Variants in RER1 observed in about 807,000 individuals in gnomAD.
The protein encoded by RER1 is retention in endoplasmic reticulum sorting receptor 1, also known as protein RER1.
RER1 carries 6 observed loss-of-function variants against 28.3 expected under a neutral mutation model. That is an observed-to-expected ratio of 0.21 (90% CI 0.12 to 0.42). The LOEUF (loss-of-function observed/expected upper bound fraction) is 0.42, where lower values mean the gene tolerates loss of function less well. Ranked by LOEUF, RER1 falls within the 10% of genes least tolerant of loss-of-function variation. The pLI, the probability that RER1 is intolerant of heterozygous loss-of-function variation, is 1.00. For missense variants in RER1, 159 were observed against 252.9 expected (o/e 0.63, Z 2.52); for synonymous variants, 110 against 95.9 (o/e 1.15, Z -0.86).
At chr1:2,399,282 A>G (rs1261555047) in intron 3 of RER1, 133 bp from the exon 4 acceptor site, 3 of 691,712 alleles carry the variant, frequency 4.3e-6, no homozygotes, top group Admixed American at 4.2e-5. Context: ...TGTCCTTGCT[A>G]TGAGTAAGTT....
chr1:2,400,941 C>T lies in RER1; in HGVS notation c.365+6C>T, dbSNP rs758964465. 9.3e-6 allele frequency: 15 copies of T among 1,608,768 alleles called. No homozygotes were observed. Among genetic ancestry groups the T allele is most frequent in the African/African-American group, 8.0e-5 (6 of 74,790 alleles). ...CTCCCAGAGTTTAAATTTTGGTGAGCTAATTCTTCACGGTATTTGAAGAGA... is the reference window on the plus strand; with the variant it reads ...CTCCCAGAGTTTAAATTTTGGTGAGTTAATTCTTCACGGTATTTGAAGAGA... On this transcript the variant is annotated splice_donor_region_variant and intron_variant, in intron 5 of 6. Transcript: ENST00000605895.
At chr1:2,402,419 G>C in intron 6 of RER1, 77 bp downstream of exon 6, 1 of 1,588,386 alleles carries the variant, frequency 6.3e-7, no homozygotes, top group Non-Finnish European at 8.6e-7. Flanking sequence ...GCTGTGCTGG[G>C]CTGTGGTGGG....
At position 2,404,745 on chromosome 1, in the gene RER1, C is replaced by G. The variant is rs1162976727; in HGVS notation, c.*1621C>G. 1.3e-5 allele frequency: 2 copies of G among 152,300 alleles called. No homozygotes were observed. The highest frequency in any genetic ancestry group is 4.8e-5 in the African/African-American group (2 of 41,466). The allele number at this position is 152,300 out of a possible 1,614,324, so 9.4% of individuals were successfully genotyped here. On this transcript the variant is annotated 3_prime_UTR_variant, in exon 7 of 7. Transcript: ENST00000605895. ...TTTACGTCAGCAGGGAAATGTGGCA[C>G]ACGCCCTCGAGGCATTTTAACACTG... is the stretch of plus-strand genomic sequence containing the variant.
At chr1:2,399,360 C>G (rs1642812858) in intron 3 of RER1, 55 bp from the exon 4 acceptor site, 3 of 1,245,404 alleles carry the variant, frequency 2.4e-6, no homozygotes, top group Non-Finnish European at 3.6e-6. Context: ...CGTGAACTGG[C>G]TCAGGCTGAT....
rs764329125 is a variant in RER1, at chr1:2,403,829, C to A, written c.*705C>A. On this transcript the variant is annotated 3_prime_UTR_variant, in exon 7 of 7. Coordinates refer to ENST00000605895, the MANE Select transcript of RER1 (RefSeq NM_007033.5). ...TAATTTAAATCTGTCCTCATGCAAC[C>A]CTCCATGAGGGGCAGCGAAGCTGGC... is the stretch of plus-strand genomic sequence containing the variant. 1 of 152,502 alleles carries A rather than the reference C, an allele frequency of 6.6e-6. No individual in the cohort carries two copies. The highest frequency in any genetic ancestry group is 1.5e-5 in the Non-Finnish European group (1 of 68,046). The allele number at this position is 152,502 out of a possible 1,614,324, so 9.4% of individuals were successfully genotyped here.
rs766489054 is a variant in RER1, at chr1:2,395,904, A to G, written c.81+33A>G. The stretch of plus-strand genomic sequence containing the variant: ...GGTTTTTTAGTAGATGAGTATAAAT[A>G]TTTGAAAAAGAAACGGGACTCCCAG... On this transcript the variant is annotated intron_variant, in intron 2 of 6. Transcript: ENST00000605895. The G allele has an allele frequency of 7.2e-6, 11 of 1,521,334 alleles. No individual in the cohort carries two copies. In the South Asian group the frequency reaches 7.9e-5, roughly 11 times the overall value. The allele number at this position is 1,521,334 out of a possible 1,614,324, so 94.2% of individuals were successfully genotyped here.
Position 2,402,231 on chromosome 1 carries a change from T to C in RER1, c.390T>C (p.Leu130=). ...GGCATGCGGCTACCAAGGGCATCCT[T>C]GTGGCTATGGTCTGTACTTTCTTCG... ...KFWHAATKGI[L]VAMVCTFFDA... is the part of the protein sequence containing the mutation. The change falls in exon 6 of 7, where the codon CTT becomes CTC. Residue 130 remains leucine, a synonymous_variant. Coordinates refer to ENST00000605895, the MANE Select transcript of RER1 (RefSeq NM_007033.5). 2 of 1,614,208 alleles carry C rather than the reference T, an allele frequency of 1.2e-6. No homozygotes were observed. Among genetic ancestry groups the C allele is most frequent in the Non-Finnish European group, 1.7e-6 (2 of 1,180,034 alleles).
At chr1:2,402,646 G>A (rs1570087245) in intron 6 of RER1, among the ~76,000 whole-genome samples, 1 of 152,214 alleles carries the variant, frequency 6.6e-6, no homozygotes, top group Non-Finnish European at 1.5e-5. Flanking sequence ...CCAGTGCCCC[G>A]CGCCAGCCTG....
At position 2,401,227 on chromosome 1, in the gene RER1, C is replaced by CCCTTCCTCCTT. The variant is rs1642844637; in HGVS notation, c.365+301_365+302insTTCCTTCCTCC. 4.7e-3 allele frequency among the ~76,000 whole-genome samples: 355 copies of CCCTTCCTCCTT among 75,114 alleles called. 3 individuals carry two copies. The highest frequency in any genetic ancestry group is 0.02 in the African/African-American group (330 of 16,868). 49.3% of individuals were successfully genotyped at this position (75,114 alleles called of 152,430 possible). ...GTCCTCCCTCCTCCTCCCTCCTCCT[C>CCCTTCCTCCTT]CCTTCCTCCCTCCTTCCTCCCTCCT... On this transcript the variant is annotated intron_variant, in intron 5 of 6. Coordinates refer to ENST00000605895, the MANE Select transcript of RER1 (RefSeq NM_007033.5).
chr1:2,399,553 T>G, intron 4 of RER1, 39 bp downstream of exon 4: 1 of 1,320,062 alleles, frequency 7.6e-7, no homozygotes, highest in Non-Finnish European at 1.1e-6. Flanking sequence ...GTGGGCAGGT[T>G]GGGCCTTTCT....
intron 2 of RER1, 159 bp downstream of exon 2, chr1:2,396,030 C>T (rs983344465): frequency 7.6e-6 from 5 of 661,988 alleles, no homozygotes; most frequent in African/African-American, 3.6e-5. Context: ...CTGTGAAGGG[C>T]CAGCTGTGGA....
In RER1 at chr1:2,395,806, A is replaced by G; in HGVS notation, c.16A>G (p.Ser6Gly). 2 of 1,613,360 alleles carry G rather than the reference A, an allele frequency of 1.2e-6. No individual in the cohort carries two copies. Among genetic ancestry groups the G allele is most frequent in the Non-Finnish European group, 1.7e-6 (2 of 1,179,240 alleles). ...CAGTTACAGAATGTCTGAAGGGGACAGTGTGGGAGAATCCGTCCATGGGAA... is the reference window on the plus strand; with the variant it reads ...CAGTTACAGAATGTCTGAAGGGGACGGTGTGGGAGAATCCGTCCATGGGAA... MSEGDSVGESVHGKPS... is the reference protein window; with the variant it reads MSEGDGVGESVHGKPS... Residue 6 changes from serine (S) to glycine (G), a missense_variant, in exon 2 of 7, where the codon AGT becomes GGT. By Grantham distance (56) the Ser-to-Gly change is moderately conservative (BLOSUM62 0). Transcript: ENST00000605895.
intron 6 of RER1, 74 bp downstream of exon 6, chr1:2,402,416 T>G: frequency 6.3e-7 from 1 of 1,587,870 alleles, no homozygotes; most frequent in Non-Finnish European, 8.6e-7. Flanking sequence ...GGAGCTGTGC[T>G]GGGCTGTGGT....
At chr1:2,392,526 G>A (rs1642696360) in intron 1 of RER1, among the ~76,000 whole-genome samples, 1 of 152,180 alleles carries the variant, frequency 6.6e-6, no homozygotes, top group Admixed American at 6.5e-5. Context: ...CTGGTCTGTG[G>A]CCCCACTGAT....
intron 4 of RER1, among the ~76,000 whole-genome samples, chr1:2,399,850 C>T (rs1167248741): frequency 1.3e-5 from 2 of 152,224 alleles, no homozygotes; most frequent in African/African-American, 2.4e-5. Context: ...TCAGTGGTCC[C>T]TCTCAGAATC....
intron 5 of RER1, chr1:2,401,975 A>T: frequency 1.4e-6 from 2 of 1,456,996 alleles, no homozygotes; most frequent in Non-Finnish European, 1.8e-6. Context: ...TTTTAAGAAG[A>T]ATTGTGTCTT....
intron 5 of RER1, among the ~76,000 whole-genome samples, chr1:2,401,372 TCCTCCCTCCTCCTC>T (rs1642857013): frequency 3.4e-4 from 1 of 2,948 alleles, no homozygotes. Context: ...CCTCCCTCCT[TCCTCCCTCCTCCTC>T]CCTCCTCCTC....
At chr1:2,394,637 T>A (rs1202108173) in intron 1 of RER1, 2 of 152,242 alleles carry the variant, frequency 1.3e-5, no homozygotes, top group Non-Finnish European at 2.9e-5. Context: ...TCATGTCTGG[T>A]ATTTCTTAGA....
chr1:2,401,566 C>T (rs967057640), intron 5 of RER1, among the ~76,000 whole-genome samples: 10 of 151,016 alleles, frequency 6.6e-5, no homozygotes, highest in Admixed American at 1.3e-4. Context: ...GTCAGAGGGA[C>T]GGGAGCGTGT....
Sources: gnomAD v4.1 joint callset for allele counts (sites outside exome capture counted in the v4.1 genomes callset) on GRCh38, gnomAD v4.1.1 for gene constraint, MANE v1.5 for transcripts, NCBI Gene and HGNC (gene_info 2026-07-23, HGNC 2026-07-21) for gene names.